The following NCAPG2 variants were observed in gnomAD, a reference collection of about 807,000 sequenced individuals.
NCAPG2 encodes the protein condensin-2 complex subunit G2.
Under a neutral mutation model 141.1 loss-of-function variants are expected in NCAPG2, and 53 were observed. That is an observed-to-expected ratio of 0.38 (90% confidence interval 0.30 to 0.47). The LOEUF (loss-of-function observed/expected upper bound fraction) is 0.47, where lower values mean the gene tolerates loss of function less well. Ranked by LOEUF, NCAPG2 falls within the 20% of genes least tolerant of loss-of-function variation. NCAPG2 has a pLI of 0.99. For missense variants in NCAPG2, 1,087 were observed against 1,389.0 expected, an observed-to-expected ratio of 0.78 and a Z score of 3.46; for synonymous variants, 499 against 490.7, an observed-to-expected ratio of 1.02 and a Z score of -0.22.
In NCAPG2 at chr7:158,648,597, G is replaced by C. The variant is rs149281442; in HGVS notation, c.3076-2034C>G. 1.0e-3 allele frequency among the ~76,000 whole-genome samples: 45 copies of C among 44,750 alleles called. 1 individual carries two copies. Among genetic ancestry groups the C allele is most frequent in the African/African-American group, 2.8e-3 (37 of 13,340 alleles). 29.4% of individuals were successfully genotyped at this position (44,750 alleles called of 152,430 possible). ...TGGACGACAACCACGCCAAATGGAC[G>C]ACAACCACGCCAAATGGACGACAAC... On this transcript the variant is annotated intron_variant, in intron 24 of 27. Coordinates refer to ENST00000356309, the MANE Select transcript of NCAPG2 (RefSeq NM_017760.7).
intron 16 of NCAPG2, 42 bp from the exon 17 acceptor site, chr7:158,658,450 C>T: frequency 1.3e-6 from 2 of 1,515,848 alleles, no homozygotes; most frequent in Non-Finnish European, 1.8e-6. Flanking sequence ...CATATGTAAG[C>T]ACTATAAATT....
chr7:158,654,895 A>G, intron 21 of NCAPG2: 1 of 1,192,322 alleles, frequency 8.4e-7, no homozygotes, highest in Non-Finnish European at 1.1e-6. Context: ...ATGTAATTCC[A>G]CAAACATAAT....
chr7:158,695,889 C>T (rs762721068), intron 2 of NCAPG2, among the ~76,000 whole-genome samples: 7 of 152,232 alleles, frequency 4.6e-5, no homozygotes, highest in Non-Finnish European at 1.0e-4. Flanking sequence ...CTGTACAGAG[C>T]GCACCAGGAT....
chr7:158,685,870 G>T lies in NCAPG2; in HGVS notation c.837+302C>A, dbSNP rs145715264. The stretch of plus-strand genomic sequence containing the variant: ...TTCCATATGAAGTCTTTGAAATCTG[G>T]TATGTTTCTTACACTTACAACACAT... On this transcript the variant is annotated intron_variant, in intron 8 of 27. Coordinates refer to ENST00000356309, the MANE Select transcript of NCAPG2 (RefSeq NM_017760.7). 1.2e-3 allele frequency among the ~76,000 whole-genome samples: 184 copies of T among 152,146 alleles called. 1 individual carries two copies. Among genetic ancestry groups the T allele is most frequent in the African/African-American group, 4.1e-3 (172 of 41,506 alleles).
chr7:158,698,777 T>C (rs796534958), intron 2 of NCAPG2, among the ~76,000 whole-genome samples: 10 of 145,924 alleles, frequency 6.9e-5, no homozygotes, highest in African/African-American at 2.6e-4. Flanking sequence ...GCTTTATCAG[T>C]AGTAGTAGTA....
chr7:158,704,358 A>T (rs1286736419), intron 1 of NCAPG2, among the ~76,000 whole-genome samples: 1 of 117,606 alleles, frequency 8.5e-6, no homozygotes, highest in Non-Finnish European at 1.8e-5. Flanking sequence ...TGCCCAGGAC[A>T]GAGGAGGTCG....
chr7:158,647,830 T>TG (rs1197746489), intron 24 of NCAPG2, among the ~76,000 whole-genome samples: 1 of 152,122 alleles, frequency 6.6e-6, no homozygotes, highest in Admixed American at 6.5e-5. Flanking sequence ...TACAGGCGTG[T>TG]ACCACCATGC....
intron 27 of NCAPG2, among the ~76,000 whole-genome samples, chr7:158,643,525 T>C (rs902418999): frequency 2.6e-5 from 4 of 152,210 alleles, no homozygotes; most frequent in African/African-American, 9.7e-5. Flanking sequence ...ATTGTGTCTA[T>C]AGAACAAGCC....
chr7:158,667,853 C>CCCTG, intron 13 of NCAPG2, among the ~76,000 whole-genome samples: 1 of 23,006 alleles, frequency 4.3e-5, no homozygotes, highest in Non-Finnish European at 8.9e-5. Context: ...TTACCCACTA[C>CCCTG]TGGGTCCCTC....
intron 13 of NCAPG2, among the ~76,000 whole-genome samples, chr7:158,670,723 C>T (rs1833632863): frequency 6.6e-6 from 1 of 152,188 alleles, no homozygotes; most frequent in South Asian, 2.1e-4. Flanking sequence ...TCTTAGAGGC[C>T]TTTCCAAGGA....
rs767183980 is a variant in NCAPG2, at chr7:158,689,907, C to A, written c.584G>T (p.Cys195Phe). 1 of 1,604,988 alleles carries A rather than the reference C, an allele frequency of 6.2e-7. No homozygotes were observed. Among genetic ancestry groups the A allele is most frequent in the Admixed American group, 1.7e-5 (1 of 58,494 alleles). Residue 195 changes from cysteine to phenylalanine, a missense_variant, in exon 6 of 28, where the codon TGC becomes TTC. Coordinates refer to ENST00000356309, the MANE Select transcript of NCAPG2 (RefSeq NM_017760.7). ...RLWRIHQALYCFDYDLEESGE... is the reference protein window; with the variant it reads ...RLWRIHQALYFFDYDLEESGE... ...ACTTTCCTCCAAATCATAATCAAAGCAATATAAAGCTTGATGGATACGCCA... is the reference window on the plus strand; with the variant it reads ...ACTTTCCTCCAAATCATAATCAAAGAAATATAAAGCTTGATGGATACGCCA...
intron 8 of NCAPG2, among the ~76,000 whole-genome samples, chr7:158,684,097 T>C (rs796417349): frequency 1.3e-5 from 2 of 152,226 alleles, no homozygotes; most frequent in South Asian, 4.1e-4. Context: ...AGTCTGCAGA[T>C]GCTCAAGTTC....
At chr7:158,671,205 C>A (rs1447845817) in intron 13 of NCAPG2, among the ~76,000 whole-genome samples, 1 of 152,010 alleles carries the variant, frequency 6.6e-6, no homozygotes, top group African/African-American at 2.4e-5. Context: ...ACTAGACACT[C>A]TCCAGAAGTG....
chr7:158,678,423 T>C (rs1029739046), intron 11 of NCAPG2, among the ~76,000 whole-genome samples: 12 of 152,184 alleles, frequency 7.9e-5, no homozygotes, highest in African/African-American at 2.4e-4. Flanking sequence ...TATTTCTTAA[T>C]GGTTGGAAAA....
chr7:158,684,392 A>G (rs750806222), intron 8 of NCAPG2, among the ~76,000 whole-genome samples: 7 of 152,398 alleles, frequency 4.6e-5, no homozygotes, highest in East Asian at 3.9e-4. Flanking sequence ...TTTTAATGGT[A>G]TAACAAGCAA....
intron 11 of NCAPG2, among the ~76,000 whole-genome samples, chr7:158,678,323 G>A (rs1462244673): frequency 1.3e-5 from 2 of 152,120 alleles, no homozygotes; most frequent in Non-Finnish European, 2.9e-5. Context: ...CCAGGGACAG[G>A]AGCTCTCAGC....
chr7:158,645,673 A>C (rs1587079601), intron 25 of NCAPG2, 54 bp from the exon 26 acceptor site: 5 of 1,499,116 alleles, frequency 3.3e-6, no homozygotes, highest in East Asian at 4.6e-5. Flanking sequence ...ACCCTAATAC[A>C]TTATAGCAGA....
rs1563538375 is a variant in NCAPG2 at position 158,667,334 on chromosome 7, T to TACC, written c.1480-2585_1480-2584insGGT. The TACC allele has an allele frequency of 3.3e-3, 351 of 105,774 alleles. 81 individuals are homozygous for TACC. The Admixed American group carries it at 0.038, about 11-fold the overall frequency. The allele number at this position is 105,774 out of a possible 1,614,324, so 6.6% of individuals were successfully genotyped here. A position where few individuals can be genotyped will look rare whatever the true frequency, so the allele number is the denominator to read the frequency against. On this transcript the variant is annotated intron_variant, in intron 13 of 27. Coordinates refer to ENST00000356309, the MANE Select transcript of NCAPG2 (RefSeq NM_017760.7). Reference sequence around the variant, plus strand: ...AGCCGCTACTGTGTCCCTCCGCTACTGTGTCCCTCCGCTCCTTAGCCACTA... The same window carrying TACC: ...AGCCGCTACTGTGTCCCTCCGCTACTACCGTGTCCCTCCGCTCCTTAGCCACTA...
intron 4 of NCAPG2, among the ~76,000 whole-genome samples, chr7:158,692,373 T>C (rs1322404364): frequency 6.6e-6 from 1 of 152,234 alleles, no homozygotes; most frequent in African/African-American, 2.4e-5. Flanking sequence ...TATGCTCCTA[T>C]TCTAGCTGAA....
Sources: allele counts gnomAD v4.1 joint callset (sites outside exome capture counted in the v4.1 genomes callset), GRCh38; gene constraint gnomAD v4.1.1; transcripts MANE v1.5; gene names NCBI Gene and HGNC (gene_info 2026-07-23, HGNC 2026-07-21).